The following CADM2 variants were observed in gnomAD, a reference collection of about 807,000 sequenced individuals.
CADM2 encodes immunoglobulin superfamily member 4D.
In CADM2, 12 loss-of-function variants were observed where a neutral mutation model predicts 49.8. The ratio of observed to expected loss-of-function variants is 0.24; its 90% CI spans 0.15 to 0.39. The LOEUF (loss-of-function observed/expected upper bound fraction) is 0.39, where lower values mean the gene tolerates loss of function less well. CADM2 is among the 10% of genes least tolerant of loss of function. The pLI, the probability that CADM2 is intolerant of heterozygous loss-of-function variation, is 1.00. For synonymous variants in CADM2, 214 were observed against 175.4 expected, an observed-to-expected ratio of 1.22 and a Z score of -1.74; for missense variants, 378 against 492.3, an observed-to-expected ratio of 0.77 and a Z score of 2.20.
intron 1 of CADM2, among the ~76,000 whole-genome samples, chr3:85,233,588 A>G (rs1401779583): frequency 2.0e-5 from 3 of 152,270 alleles, no homozygotes; most frequent in South Asian, 4.1e-4. Flanking sequence ...CTTGATTTAG[A>G]CTCACTTTTA....
At chr3:85,185,522 G>A (rs911065630) in intron 1 of CADM2, among the ~76,000 whole-genome samples, 8 of 151,972 alleles carry the variant, frequency 5.3e-5, no homozygotes, top group African/African-American at 1.9e-4. Context: ...ATTTATCATA[G>A]TATGATATAT....
At chr3:85,620,003 G>T (rs1325402142) in intron 1 of CADM2, among the ~76,000 whole-genome samples, 1 of 152,138 alleles carries the variant, frequency 6.6e-6, no homozygotes, top group Non-Finnish European at 1.5e-5. Flanking sequence ...GTCTTTTCAT[G>T]AAAGTGATAG....
intron 1 of CADM2, among the ~76,000 whole-genome samples, chr3:85,079,784 T>C (rs1311373336): frequency 6.6e-6 from 1 of 151,904 alleles, no homozygotes; most frequent in Non-Finnish European, 1.5e-5. Flanking sequence ...TACCTTTAAA[T>C]TTTACGTATA....
In CADM2 at chr3:85,605,898, T is replaced by G. The variant is rs146384252; in HGVS notation, c.62-120624T>G. Among the ~76,000 whole-genome samples, 3 of 152,190 alleles carry G rather than the reference T, an allele frequency of 2.0e-5. No homozygotes were observed. The East Asian group carries it at 5.8e-4, about 29-fold the overall frequency. On this transcript the variant is annotated intron_variant, in intron 1 of 9. Transcript: ENST00000383699. The stretch of plus-strand genomic sequence containing the variant: ...TTTCCTGAATAAAGAACCTCAAATA[T>G]AAAATCTCATGGCCACAGTATGAGT...
At chr3:85,200,890 T>C (rs1355756262) in intron 1 of CADM2, among the ~76,000 whole-genome samples, 1 of 152,150 alleles carries the variant, frequency 6.6e-6, no homozygotes, top group Non-Finnish European at 1.5e-5. Context: ...TATGCCTAAT[T>C]TGAATCTATC....
chr3:85,985,732 ATAAC>A (rs1416706585), intron 8 of CADM2, among the ~76,000 whole-genome samples: 1 of 152,040 alleles, frequency 6.6e-6, no homozygotes, highest in African/African-American at 2.4e-5. Flanking sequence ...ATCTTAATAA[ATAAC>A]TACTTTTTCA....
chr3:86,047,284 A>G (rs533643748), intron 8 of CADM2, among the ~76,000 whole-genome samples: 1 of 152,306 alleles, frequency 6.6e-6, no homozygotes, highest in South Asian at 2.1e-4. Flanking sequence ...GAAGTAATTT[A>G]TGGGAAGGCA....
chr3:85,739,781 A>G (rs2068302402), intron 2 of CADM2, among the ~76,000 whole-genome samples: 1 of 152,206 alleles, frequency 6.6e-6, no homozygotes, highest in African/African-American at 2.4e-5. Context: ...GCTATCTCAT[A>G]TAACATAAGC....
At chr3:85,426,219 G>T (rs998177272) in intron 1 of CADM2, among the ~76,000 whole-genome samples, 2 of 151,054 alleles carry the variant, frequency 1.3e-5, no homozygotes, top group African/African-American at 2.4e-5. Flanking sequence ...ATGGCTCACT[G>T]CAGCCTCGAC....
intron 1 of CADM2, among the ~76,000 whole-genome samples, chr3:85,195,884 A>G (rs895722059): frequency 6.6e-6 from 1 of 152,132 alleles, no homozygotes; most frequent in Non-Finnish European, 1.5e-5. Context: ...ATAATGAAAC[A>G]GTTGTCATTT....
intron 8 of CADM2, among the ~76,000 whole-genome samples, chr3:85,979,793 T>A (rs549809492): frequency 6.6e-6 from 1 of 151,794 alleles, no homozygotes; most frequent in African/African-American, 2.4e-5. Context: ...ATATTCAAAA[T>A]ACATGTATCC....
intron 1 of CADM2, among the ~76,000 whole-genome samples, chr3:85,602,598 G>T (rs2063438586): frequency 6.6e-6 from 1 of 151,636 alleles, no homozygotes; most frequent in South Asian, 2.1e-4. Flanking sequence ...TGTGGTTGCT[G>T]GGCATGTGAT....
intron 1 of CADM2, among the ~76,000 whole-genome samples, chr3:85,169,262 G>A (rs183561537): frequency 2.7e-4 from 41 of 152,202 alleles, no homozygotes; most frequent in Admixed American, 7.2e-4. Flanking sequence ...CCAAAGTGCT[G>A]GGATTACAGG....
intron 2 of CADM2, among the ~76,000 whole-genome samples, chr3:85,780,038 TA>T (rs561208919): frequency 2.2e-3 from 341 of 152,306 alleles, no homozygotes; most frequent in Admixed American, 3.5e-3. Flanking sequence ...TAAGCTTCCA[TA>T]ACACTTAAGT....
intron 2 of CADM2, among the ~76,000 whole-genome samples, chr3:85,772,926 T>C (rs1359351056): frequency 6.6e-6 from 1 of 151,954 alleles, no homozygotes; most frequent in Admixed American, 6.6e-5. Context: ...ATTCTTTTTT[T>C]TGATTCTAGC....
At chr3:85,578,412 C>T (rs2062705990) in intron 1 of CADM2, among the ~76,000 whole-genome samples, 1 of 152,114 alleles carries the variant, frequency 6.6e-6, no homozygotes, top group Non-Finnish European at 1.5e-5. Context: ...GGTTTTTATA[C>T]TGATATGAGA....
At chr3:85,898,348 G>A (rs181397520) in intron 5 of CADM2, among the ~76,000 whole-genome samples, 1 of 151,970 alleles carries the variant, frequency 6.6e-6, no homozygotes, top group Admixed American at 6.6e-5. Flanking sequence ...ATTAAGTTTT[G>A]ACAAATGTCT....
At chr3:85,746,815 A>G (rs1324137082) in intron 2 of CADM2, among the ~76,000 whole-genome samples, 2 of 151,968 alleles carry the variant, frequency 1.3e-5, no homozygotes, top group African/African-American at 2.4e-5. Flanking sequence ...ATTTTTCTTC[A>G]TGTTGTCAGA....
intron 5 of CADM2, among the ~76,000 whole-genome samples, chr3:85,901,896 A>T (rs1268066958): frequency 1.3e-5 from 2 of 151,236 alleles, no homozygotes; most frequent in Non-Finnish European, 2.9e-5. Flanking sequence ...AATATATATT[A>T]TGTGTTTTTT....
Sources: gnomAD v4.1 joint callset for allele counts (sites outside exome capture counted in the v4.1 genomes callset) on GRCh38, gnomAD v4.1.1 for gene constraint, MANE v1.5 for transcripts, NCBI Gene and HGNC (gene_info 2026-07-23, HGNC 2026-07-21) for gene names.